Variants in SLC71A2 observed in about 807,000 individuals in gnomAD.
The protein encoded by SLC71A2 is hippocampus abundant transcript-like 1.
the SLC71A2 span, chr9:94,458,196 CA>C: frequency 1.6e-6 from 1 of 621,016 alleles, no homozygotes; most frequent in South Asian, 2.4e-5. Flanking sequence ...CTTTCATTAG[CA>C]TGCTTTCTCT....
chr9:94,384,710 A>G, the SLC71A2 span, among the ~76,000 whole-genome samples: 1 of 152,104 alleles, frequency 6.6e-6, no homozygotes, highest in African/African-American at 2.4e-5. Flanking sequence ...CTTTATACAT[A>G]TATTCTGGAT....
At chr9:94,401,731 G>A in the SLC71A2 span, among the ~76,000 whole-genome samples, 1 of 151,722 alleles carries the variant, frequency 6.6e-6, no homozygotes, top group Admixed American at 6.6e-5. Context: ...ACAGGAAAGG[G>A]GTCCCAATCC....
the SLC71A2 span, among the ~76,000 whole-genome samples, chr9:94,436,549 C>G: frequency 1.3e-5 from 2 of 152,130 alleles, no homozygotes; most frequent in East Asian, 3.8e-4. Context: ...TTCTTTTGTA[C>G]GAGGAAGCTC....
chr9:94,427,308 A>G, the SLC71A2 span, among the ~76,000 whole-genome samples: 1 of 152,114 alleles, frequency 6.6e-6, no homozygotes, highest in Non-Finnish European at 1.5e-5. Context: ...GTAGGTAGAA[A>G]ACAGTAGAAA....
the SLC71A2 span, among the ~76,000 whole-genome samples, chr9:94,429,793 CTT>C: frequency 6.6e-6 from 1 of 151,968 alleles, no homozygotes; most frequent in Admixed American, 6.6e-5. Context: ...TCCAAGATAA[CTT>C]TGCCACAAAA....
chr9:94,409,162 AAG>A, the SLC71A2 span, among the ~76,000 whole-genome samples: 4 of 77,192 alleles, frequency 5.2e-5, no homozygotes, highest in African/African-American at 1.9e-4. Flanking sequence ...TTTTTAAGGC[AAG>A]GTTTCACTCC....
At chr9:94,452,679 A>G in the SLC71A2 span, among the ~76,000 whole-genome samples, 1 of 33,584 alleles carries the variant, frequency 3.0e-5, no homozygotes, top group Non-Finnish European at 4.9e-5. Flanking sequence ...ATATATATTC[A>G]TATATTCATA....
chr9:94,460,682 ATT>A, the SLC71A2 span: 77,469 of 151,102 alleles, frequency 0.51, 19,947 homozygotes, highest in Admixed American at 0.61. Flanking sequence ...AAGGGTTTTA[ATT>A]TTTTTTTTTT....
chr9:94,430,933 A>G, the SLC71A2 span, among the ~76,000 whole-genome samples: 11 of 152,150 alleles, frequency 7.2e-5, no homozygotes, highest in African/African-American at 2.7e-4. Context: ...AGTAAAGCAT[A>G]TGAGTATAGG....
chr9:94,383,490 G>T, the SLC71A2 span, among the ~76,000 whole-genome samples: 3 of 151,954 alleles, frequency 2.0e-5, no homozygotes, highest in Non-Finnish European at 4.4e-5. Context: ...AAAATCAATT[G>T]TCCATATATT....
the SLC71A2 span, among the ~76,000 whole-genome samples, chr9:94,409,076 G>C: frequency 6.8e-6 from 1 of 147,060 alleles, no homozygotes; most frequent in South Asian, 2.1e-4. Context: ...CTCGTGATCC[G>C]CCTGCCTCGG....
chr9:94,446,722 A>AT, the SLC71A2 span: 1 of 545,512 alleles, frequency 1.8e-6, no homozygotes, highest in African/African-American at 1.9e-5. Flanking sequence ...GACTTTTGTT[A>AT]TTCATCTTAA....
chr9:94,435,793 T>C, the SLC71A2 span, among the ~76,000 whole-genome samples: 1 of 151,944 alleles, frequency 6.6e-6, no homozygotes, highest in Non-Finnish European at 1.5e-5. Flanking sequence ...TAGCTGGGAT[T>C]AGAGGTGCGC....
the SLC71A2 span, among the ~76,000 whole-genome samples, chr9:94,388,340 T>G: frequency 0.16 from 24,950 of 152,094 alleles, 2,353 homozygotes; most frequent in African/African-American, 0.26. Flanking sequence ...GTGGGAAACT[T>G]ATGGAGGCCA....
chr9:94,416,967 C>T, the SLC71A2 span, among the ~76,000 whole-genome samples: 1 of 151,348 alleles, frequency 6.6e-6, no homozygotes, highest in Non-Finnish European at 1.5e-5. Flanking sequence ...AGTAGTTTTT[C>T]CTTCATAGTA....
At chr9:94,446,861 A>T in the SLC71A2 span, 1 of 1,612,138 alleles carries the variant, frequency 6.2e-7, no homozygotes, top group Non-Finnish European at 8.5e-7. Context: ...CTGTCTTACT[A>T]ATCTGCATCA....
the SLC71A2 span, among the ~76,000 whole-genome samples, chr9:94,403,246 C>T: frequency 6.6e-6 from 1 of 152,160 alleles, no homozygotes; most frequent in Non-Finnish European, 1.5e-5. Flanking sequence ...AAGTGATTCT[C>T]TTGCCTCAGC....
the SLC71A2 span, among the ~76,000 whole-genome samples, chr9:94,387,075 T>A: frequency 1.3e-5 from 2 of 152,120 alleles, no homozygotes; most frequent in Non-Finnish European, 2.9e-5. Flanking sequence ...ACCTTTTCTT[T>A]CCTTTCGCAT....
chr9:94,457,578 G>A, the SLC71A2 span, among the ~76,000 whole-genome samples: 1 of 152,070 alleles, frequency 6.6e-6, no homozygotes, highest in African/African-American at 2.4e-5. Context: ...TGCATCCTTA[G>A]GGAGGTGCTG....
Sources: gnomAD v4.1 joint callset for allele counts (sites outside exome capture counted in the v4.1 genomes callset) on GRCh38, gnomAD v4.1.1 for gene constraint, MANE v1.5 for transcripts, NCBI Gene and HGNC (gene_info 2026-07-23, HGNC 2026-07-21) for gene names.